ZNF420: variants seen among roughly 807,000 people sequenced by gnomAD.
ZNF420 encodes the protein ATM and p53-associated KZNF protein.
ZNF420 carries 31 observed loss-of-function variants against 44.7 expected under a neutral mutation model. The observed-to-expected ratio is 0.69, with a 90% CI of 0.52 to 0.94. The LOEUF is 0.94. ZNF420 is among the 40% of genes least tolerant of loss of function. ZNF420 has a pLI of 0.00. For synonymous variants in ZNF420, 245 were observed against 267.4 expected, an observed-to-expected ratio of 0.92 and a Z score of 0.82; for missense variants, 681 against 827.9, an observed-to-expected ratio of 0.82 and a Z score of 2.18.
At chr19:37,021,498 C>T (rs2074648225) in intron 1 of ZNF420, among the ~76,000 whole-genome samples, 1 of 152,086 alleles carries the variant, frequency 6.6e-6, no homozygotes, top group Non-Finnish European at 1.5e-5. Context: ...AACTCTTGAT[C>T]TCAGGTGATC....
At chr19:37,107,170 CG>C (rs1347957956) in intron 4 of ZNF420, 4 of 152,008 alleles carry the variant, frequency 2.6e-5, no homozygotes, top group Non-Finnish European at 5.9e-5. Flanking sequence ...AGACCCTTTT[CG>C]GGTGTCGGGC....
chr19:37,124,433 G>T (rs1177239847), intron 4 of ZNF420, among the ~76,000 whole-genome samples: 2 of 152,174 alleles, frequency 1.3e-5, no homozygotes, highest in African/African-American at 2.4e-5. Context: ...TTGACATATA[G>T]ATGTTTGTGT....
At chr19:37,038,241 A>C (rs1222079126) in intron 1 of ZNF420, among the ~76,000 whole-genome samples, 4 of 152,372 alleles carry the variant, frequency 2.6e-5, no homozygotes, top group African/African-American at 9.6e-5. Context: ...TTGCCAAAAA[A>C]TGCTAACCAT....
At chr19:37,010,142 G>A (rs1016353765) in intron 1 of ZNF420, among the ~76,000 whole-genome samples, 1 of 152,206 alleles carries the variant, frequency 6.6e-6, no homozygotes, top group Non-Finnish European at 1.5e-5. Flanking sequence ...CAGTCCCTGA[G>A]GCTTGGCAAA....
At chr19:37,099,913 A>G (rs1182919855) in intron 4 of ZNF420, among the ~76,000 whole-genome samples, 1 of 151,918 alleles carries the variant, frequency 6.6e-6, no homozygotes, top group Non-Finnish European at 1.5e-5. Context: ...GTGAGCCACC[A>G]TGCCCAGGCT....
intron 1 of ZNF420, among the ~76,000 whole-genome samples, chr19:37,053,855 C>T (rs1967690013): frequency 6.6e-6 from 1 of 152,170 alleles, no homozygotes; most frequent in Non-Finnish European, 1.5e-5. Context: ...TCTCCAGCTG[C>T]GTGCTGGGAG....
At position 37,129,885 on chromosome 19, in the gene ZNF420, G is replaced by C. The variant is rs1971571855; in HGVS notation, c.*827G>C. On this transcript the variant is annotated 3_prime_UTR_variant, in exon 5 of 5. Transcript: ENST00000337995. ...AAATCTAGGAATTTTTTAAAAACTTGAATGTATTGCTTTTGAAGTAAACAA... is the reference window on the plus strand; with the variant it reads ...AAATCTAGGAATTTTTTAAAAACTTCAATGTATTGCTTTTGAAGTAAACAA... 1 of 1,097,486 alleles carries C rather than the reference G, an allele frequency of 9.1e-7. No individual in the cohort carries two copies. Among genetic ancestry groups the C allele is most frequent in the Admixed American group, 3.5e-5 (1 of 28,918 alleles). 68.0% of individuals were successfully genotyped at this position (1,097,486 alleles called of 1,614,324 possible). A position where few individuals can be genotyped will look rare whatever the true frequency, so the allele number is the denominator to read the frequency against.
chr19:37,077,284 C>T (rs532924796), upstream of ZNF420, among the ~76,000 whole-genome samples: 2 of 152,298 alleles, frequency 1.3e-5, no homozygotes, highest in East Asian at 3.9e-4. Flanking sequence ...CTGACTAGTG[C>T]TGTACTGTGC....
chr19:37,105,929 G>A (rs1403278301), intron 4 of ZNF420, among the ~76,000 whole-genome samples: 1 of 152,214 alleles, frequency 6.6e-6, no homozygotes, highest in African/African-American at 2.4e-5. Flanking sequence ...AGGAGATTTC[G>A]GGCAGAGACT....
rs529589587 is a variant in ZNF420 at position 37,081,408 on chromosome 19, G to C, written c.-81+1020G>C. Among the ~76,000 whole-genome samples, 38 of 152,114 alleles carry C rather than the reference G, an allele frequency of 2.5e-4. 1 individual carries two copies. The South Asian group carries it at 7.9e-3, about 32-fold the overall frequency. On this transcript the variant is annotated intron_variant, in intron 2 of 4. Coordinates refer to ENST00000337995, the MANE Select transcript of ZNF420 (RefSeq NM_144689.5). ...GTTCTATAAATGTCAACTAGGTCAG[G>C]TAGGTTGATAGTATTTTTTAAATCT...
At chr19:37,008,538 A>G (rs1203001922) in intron 1 of ZNF420, among the ~76,000 whole-genome samples, 2 of 152,134 alleles carry the variant, frequency 1.3e-5, no homozygotes, top group African/African-American at 4.8e-5. Flanking sequence ...AGAAGAGCTC[A>G]TTGTCCTGAG....
rs1971428357 is a variant in ZNF420, at chr19:37,127,660, T to C, written c.669T>C (p.Tyr223=). 2 of 1,613,858 alleles carry C rather than the reference T, an allele frequency of 1.2e-6. No homozygotes were observed. The highest frequency in any genetic ancestry group is 1.7e-5 in the Admixed American group (1 of 59,990). ...HHRIHTGEKP[Y]KCEECGKAFI... Reference sequence around the variant, plus strand: ...GAATTCATACTGGTGAAAAACCATATAAATGTGAAGAATGTGGGAAAGCCT... The same window carrying C: ...GAATTCATACTGGTGAAAAACCATACAAATGTGAAGAATGTGGGAAAGCCT... The change falls in exon 5 of 5, where the codon TAT becomes TAC. Residue 223 remains tyrosine, a synonymous_variant. Coordinates refer to ENST00000337995, the MANE Select transcript of ZNF420 (RefSeq NM_144689.5).
chr19:37,062,116 A>G (rs1443444895), intron 1 of ZNF420, among the ~76,000 whole-genome samples: 3 of 152,188 alleles, frequency 2.0e-5, no homozygotes, highest in Admixed American at 1.3e-4. Flanking sequence ...TAACCTCTAC[A>G]CTGTTAGAAG....
intron 3 of ZNF420, 100 bp from the exon 4 acceptor site, chr19:37,090,895 G>A: frequency 7.7e-7 from 1 of 1,295,200 alleles, no homozygotes; most frequent in South Asian, 1.4e-5. Flanking sequence ...ACTCCAGCCT[G>A]AGCGACAGAG....
intron 4 of ZNF420, among the ~76,000 whole-genome samples, chr19:37,124,490 T>G (rs1337331453): frequency 3.3e-5 from 5 of 152,192 alleles, no homozygotes; most frequent in Admixed American, 2.0e-4. Flanking sequence ...ATATGCTAAA[T>G]GTATGTTTAA....
intron 4 of ZNF420, among the ~76,000 whole-genome samples, chr19:37,103,458 TTTTG>T (rs748365677): frequency 8.5e-5 from 13 of 152,188 alleles, no homozygotes; most frequent in Admixed American, 6.5e-5. Flanking sequence ...GTCTGCTAGT[TTTTG>T]TTTATTTAGG....
chr19:37,074,479 G>T (rs1431140974), upstream of ZNF420, among the ~76,000 whole-genome samples: 1 of 152,088 alleles, frequency 6.6e-6, no homozygotes, highest in South Asian at 2.1e-4. Context: ...AAACAGGCTG[G>T]GGGAATGCTG....
chr19:37,127,102 T>C (rs768106808), intron 4 of ZNF420, 26 bp from the exon 5 acceptor site: 19 of 1,444,104 alleles, frequency 1.3e-5, no homozygotes. Flanking sequence ...TATTTCTCAA[T>C]TTTTTTATTC....
intron 4 of ZNF420, among the ~76,000 whole-genome samples, chr19:37,120,110 T>C (rs1176842358): frequency 2.6e-5 from 4 of 152,218 alleles, no homozygotes; most frequent in African/African-American, 9.6e-5. Flanking sequence ...GAATCCTGCC[T>C]AACTCATTTT....
Sources: gnomAD v4.1 joint callset for allele counts (sites outside exome capture counted in the v4.1 genomes callset) on GRCh38, gnomAD v4.1.1 for gene constraint, MANE v1.5 for transcripts, NCBI Gene and HGNC (gene_info 2026-07-23, HGNC 2026-07-21) for gene names.